Variants in CLGN observed in about 807,000 individuals in gnomAD.
CLGN encodes the protein testis tissue sperm-binding protein Li 79P.
In CLGN, 62 loss-of-function variants were observed where a neutral mutation model predicts 79.1. That is an observed-to-expected ratio of 0.78 (90% confidence interval 0.64 to 0.97). The LOEUF is 0.97. Ranked by LOEUF, CLGN falls within the 50% of genes least tolerant of loss-of-function variation. The pLI is 0.00. For missense variants in CLGN, 647 were observed against 715.5 expected (o/e 0.90, Z 1.09); for synonymous variants, 225 against 224.7 (o/e 1.00, Z -0.01).
chr4:140,409,144 T>A (rs142464619), intron 4 of CLGN, among the ~76,000 whole-genome samples: 4 of 152,086 alleles, frequency 2.6e-5, no homozygotes, highest in Admixed American at 2.6e-4. Context: ...GGCCACATGT[T>A]TATGAGTATG....
chr4:140,405,825 T>C (rs1729096286), intron 5 of CLGN, 117 bp downstream of exon 5: 1 of 1,018,480 alleles, frequency 9.8e-7, no homozygotes, highest in African/African-American at 1.7e-5. Flanking sequence ...TTTAACTAAG[T>C]GAAACGAAAA....
chr4:140,409,891 C>T lies in CLGN; in HGVS notation c.223G>A (p.Val75Ile). 2 of 1,595,766 alleles carry T rather than the reference C, an allele frequency of 1.3e-6. No homozygotes were observed. Among genetic ancestry groups the T allele is most frequent in the Non-Finnish European group, 1.7e-6 (2 of 1,167,908 alleles). ...TFDSGRLAGW[V>I]LSKAKKDDMD... ...TCATCTTTCTTTGCTTTTGATAAGA[C>T]CCATCTGTAAATAAAGTTGAACATA... Residue 75 changes from valine (V) to isoleucine (I), a missense_variant, in exon 4 of 15, where the codon GTC becomes ATC. Transcript: ENST00000325617.
intron 1 of CLGN, among the ~76,000 whole-genome samples, chr4:140,413,621 T>A (rs1047893553): frequency 6.6e-6 from 1 of 152,068 alleles, no homozygotes; most frequent in Non-Finnish European, 1.5e-5. Flanking sequence ...ATCGGGTCAC[T>A]CCCACCGGAA....
chr4:140,401,297 T>C (rs562141324), intron 6 of CLGN, among the ~76,000 whole-genome samples: 2 of 152,274 alleles, frequency 1.3e-5, no homozygotes, highest in South Asian at 4.1e-4. Context: ...AAACAAGAGC[T>C]TCAACATATA....
chr4:140,422,312 T>A (rs1002880636), intron 1 of CLGN, among the ~76,000 whole-genome samples: 2 of 152,200 alleles, frequency 1.3e-5, no homozygotes, highest in Non-Finnish European at 2.9e-5. Flanking sequence ...GCTATTAGGA[T>A]TATGACAGGG....
At chr4:140,396,295 C>G (rs1374821508) in intron 8 of CLGN, 90 bp from the exon 9 acceptor site, 36 of 1,116,008 alleles carry the variant, frequency 3.2e-5, no homozygotes, top group Non-Finnish European at 4.5e-5. Flanking sequence ...AATTATTTCC[C>G]TCCCTTTTGT....
intron 4 of CLGN, among the ~76,000 whole-genome samples, chr4:140,409,581 A>C (rs1475231408): frequency 1.3e-5 from 2 of 152,208 alleles, no homozygotes; most frequent in East Asian, 3.9e-4. Context: ...CAGGAAATGC[A>C]AAAGACTAAC....
intron 1 of CLGN, among the ~76,000 whole-genome samples, chr4:140,424,011 T>C (rs532088754): frequency 6.6e-6 from 1 of 152,290 alleles, no homozygotes; most frequent in South Asian, 2.1e-4. Context: ...CTATTTTCTA[T>C]TTTGTTTCTC....
At chr4:140,420,063 CT>C (rs1196777940) in intron 1 of CLGN, among the ~76,000 whole-genome samples, 4 of 151,970 alleles carry the variant, frequency 2.6e-5, no homozygotes, top group Non-Finnish European at 5.9e-5. Context: ...ATTAATATAA[CT>C]TTAGACCCAT....
intron 5 of CLGN, among the ~76,000 whole-genome samples, chr4:140,404,259 A>T (rs895479429): frequency 1.3e-5 from 2 of 151,562 alleles, no homozygotes; most frequent in African/African-American, 4.8e-5. Flanking sequence ...ACACCCGGCT[A>T]ATTTTTTGTA....
At chr4:140,393,000 T>C (rs184756021) in intron 11 of CLGN, among the ~76,000 whole-genome samples, 1 of 152,198 alleles carries the variant, frequency 6.6e-6, no homozygotes, top group Admixed American at 6.5e-5. Flanking sequence ...AATTTCAGAA[T>C]AGAACTACCT....
chr4:140,392,932 A>G (rs1209155148), intron 11 of CLGN, among the ~76,000 whole-genome samples: 1 of 152,110 alleles, frequency 6.6e-6, no homozygotes, highest in Non-Finnish European at 1.5e-5. Flanking sequence ...GTATGTTATG[A>G]CAAAAGTGGA....
At chr4:140,410,461 T>A in intron 3 of CLGN, 92 bp downstream of exon 3, 2 of 806,540 alleles carry the variant, frequency 2.5e-6, no homozygotes, top group South Asian at 1.6e-5. Flanking sequence ...TTTTTATAGA[T>A]CTGTAGTAGA....
intron 5 of CLGN, among the ~76,000 whole-genome samples, chr4:140,404,242 T>G (rs555669445): frequency 6.6e-6 from 1 of 151,680 alleles, no homozygotes; most frequent in Non-Finnish European, 1.5e-5. Context: ...TACAGGCGCC[T>G]GCCACCACAC....
Position 140,392,335 on chromosome 4 carries a change from A to T in CLGN, c.1535T>A (p.Ile512Lys). The change falls in exon 13 of 15, where the codon ATA (isoleucine) becomes AAA (lysine). Residue 512 changes from isoleucine to lysine, a missense_variant. Ile to Lys is a moderately radical substitution (Grantham distance 102). Transcript: ENST00000325617. ...CTCTAGTACTCCTTTTGTTTGTGGT[A>T]TACATATGTCGGTTTTTTTATACTC... ...DTEYKKTDIC[I>K]PQTKGVLEQE... 1.2e-6 allele frequency: 2 copies of T among 1,611,390 alleles called. No individual in the cohort carries two copies. Among genetic ancestry groups the T allele is most frequent in the South Asian group, 2.2e-5 (2 of 90,512 alleles).
chr4:140,401,954 T>C lies in CLGN; in HGVS notation c.501+31A>G, dbSNP rs1488211521. On this transcript the variant is annotated intron_variant, in intron 6 of 14. Transcript: ENST00000325617. ...CCTTAAAAATACTTATTAACTTTAA[T>C]AAGGTTTTCTTAAATATTAAAATAT... 2.5e-6 allele frequency: 3 copies of C among 1,187,194 alleles called. No homozygotes were observed. The South Asian group carries it at 4.1e-5, about 16-fold the overall frequency. The allele number at this position is 1,187,194 out of a possible 1,614,324, so 73.5% of individuals were successfully genotyped here.
intron 2 of CLGN, among the ~76,000 whole-genome samples, chr4:140,411,624 C>G (rs1372840889): frequency 6.6e-6 from 1 of 152,030 alleles, no homozygotes; most frequent in Non-Finnish European, 1.5e-5. Flanking sequence ...TCTATTTTCA[C>G]TGTCCCTATC....
chr4:140,396,420 C>CT lies in CLGN; in HGVS notation c.885-216dup, dbSNP rs538942053. ...GCATACATGCACACACGTATACATT[C>CT]TTTTTTTTAATACGAATGATAGCAT... On this transcript the variant is annotated intron_variant, in intron 8 of 14. Coordinates refer to ENST00000325617, the MANE Select transcript of CLGN (RefSeq NM_004362.3). Among the ~76,000 whole-genome samples the CT allele has an allele frequency of 9.2e-5, 14 of 152,072 alleles. No individual in the cohort carries two copies. The East Asian group carries it at 9.6e-4, about 10-fold the overall frequency.
At chr4:140,410,738 A>G (rs539100817) in intron 2 of CLGN, 112 bp from the exon 3 acceptor site, 5 of 650,824 alleles carry the variant, frequency 7.7e-6, no homozygotes, top group Non-Finnish European at 1.3e-5. Flanking sequence ...TAATACAGAT[A>G]TGAGGTGACA....
Sources: gnomAD v4.1 joint callset for allele counts (sites outside exome capture counted in the v4.1 genomes callset) on GRCh38, gnomAD v4.1.1 for gene constraint, MANE v1.5 for transcripts, NCBI Gene and HGNC (gene_info 2026-07-23, HGNC 2026-07-21) for gene names.